PRDM11: variants seen among roughly 807,000 people sequenced by gnomAD.
PRDM11 encodes PR/SET domain 11.
A neutral mutation model predicts 97.8 loss-of-function variants in PRDM11; 20 were observed. The observed-to-expected ratio is 0.20, with a 90% CI of 0.14 to 0.30. The LOEUF (loss-of-function observed/expected upper bound fraction) is 0.30. Ranked by LOEUF, PRDM11 falls within the 10% of genes least tolerant of loss-of-function variation. The pLI, the probability that PRDM11 is intolerant of heterozygous loss-of-function variation, is 1.00. For missense variants in PRDM11, 1,139 were observed against 1,555.2 expected (o/e 0.73, Z 4.50); for synonymous variants, 599 against 637.7 (o/e 0.94, Z 0.91).
chr11:45,118,107 T>A (rs1490533840), intron 1 of PRDM11, among the ~76,000 whole-genome samples: 3 of 151,452 alleles, frequency 2.0e-5, no homozygotes, highest in Admixed American at 6.6e-5. Flanking sequence ...ACTATCAAGA[T>A]CATGAAAAAA....
Position 45,224,276 on chromosome 11 carries a change from A to G in PRDM11, c.802A>G (p.Arg268Gly), listed in dbSNP as rs764927280. 1.9e-6 allele frequency: 3 copies of G among 1,613,840 alleles called. No homozygotes were observed. The highest frequency in any genetic ancestry group is 2.5e-6 in the Non-Finnish European group (3 of 1,179,884). ...EQVLDNPEDL[R>G]GPIHLSVLRQ... is the part of the protein sequence containing the mutation. ...GGTTCTGGATAACCCAGAAGACCTGAGGGGTCCCATTCATCTCTCTGTGCT... is the reference window on the plus strand; with the variant it reads ...GGTTCTGGATAACCCAGAAGACCTGGGGGGTCCCATTCATCTCTCTGTGCT... Residue 268 changes from arginine (R) to glycine (G), a missense_variant, in exon 7 of 8, where the codon AGG becomes GGG. This residue lies in a region of PRDM11 where 429 missense variants were observed against 510.3 expected (regional missense o/e 0.84). Coordinates refer to ENST00000683152, the MANE Select transcript of PRDM11 (RefSeq NM_001384648.1).
intron 1 of PRDM11, among the ~76,000 whole-genome samples, chr11:45,114,167 T>C (rs1852252553): frequency 6.6e-6 from 1 of 152,090 alleles, no homozygotes. Context: ...GCAGACTTTA[T>C]AAATATGCTC....
At chr11:45,195,960 A>G (rs911827708) in intron 4 of PRDM11, among the ~76,000 whole-genome samples, 1 of 152,196 alleles carries the variant, frequency 6.6e-6, no homozygotes, top group Admixed American at 6.5e-5. Context: ...CCTTTTGGCT[A>G]TTATGAATAA....
chr11:45,147,049 C>G (rs1851529403), intron 1 of PRDM11, among the ~76,000 whole-genome samples, 172 bp downstream of exon 1: 1 of 140,704 alleles, frequency 7.1e-6, no homozygotes, highest in Non-Finnish European at 1.6e-5. Context: ...ACGGCGCCGG[C>G]GCGGGGTGGG....
intron 1 of PRDM11, among the ~76,000 whole-genome samples, chr11:45,120,502 A>T (rs1490671052): frequency 3.9e-5 from 6 of 152,240 alleles, no homozygotes; most frequent in African/African-American, 9.6e-5. Flanking sequence ...CCTTAAAAGA[A>T]GTAACAGTAA....
At chr11:45,138,612 T>C (rs1459667503) in intron 1 of PRDM11, among the ~76,000 whole-genome samples, 1 of 152,116 alleles carries the variant, frequency 6.6e-6, no homozygotes, top group Non-Finnish European at 1.5e-5. Context: ...CACTACAAAA[T>C]AATGAGGAAT....
intron 1 of PRDM11, among the ~76,000 whole-genome samples, chr11:45,180,398 C>T (rs1852442135): frequency 2.0e-5 from 3 of 152,080 alleles, no homozygotes; most frequent in Admixed American, 2.0e-4. Flanking sequence ...CAAGGCAGCT[C>T]GGAGGCTGGG....
intron 5 of PRDM11, chr11:45,212,909 G>A (rs1228648397): frequency 4.8e-6 from 2 of 419,210 alleles, no homozygotes; most frequent in Non-Finnish European, 9.7e-6. Context: ...GCGGGGGCCA[G>A]AAGGGGCAGA....
In PRDM11 at chr11:45,228,614, T is replaced by C. The variant is rs1350535201; in HGVS notation, c.*455T>C. ...TTTCTTTTTTCATTTGGTTTTATGA[T>C]GGGAGGGAGCTCCTCAGCCTCCTCA... On this transcript the variant is annotated 3_prime_UTR_variant, in exon 8 of 8. Transcript: ENST00000683152. 1 of 152,154 alleles carries C rather than the reference T, an allele frequency of 6.6e-6. No individual in the cohort carries two copies. The highest frequency in any genetic ancestry group is 1.9e-4 in the East Asian group (1 of 5,190). 9.4% of individuals were successfully genotyped at this position (152,154 alleles called of 1,614,324 possible).
At chr11:45,213,447 T>G (rs1394960706) in intron 5 of PRDM11, 8 of 449,514 alleles carry the variant, frequency 1.8e-5, no homozygotes, top group Admixed American at 9.5e-5. Context: ...TGATGCTGCT[T>G]CTTTTGAAGG....
intron 1 of PRDM11, among the ~76,000 whole-genome samples, chr11:45,132,054 A>G (rs986336111): frequency 7.2e-5 from 11 of 152,218 alleles, no homozygotes; most frequent in African/African-American, 2.7e-4. Flanking sequence ...CAAGGAAAAC[A>G]TTCCCTCAAA....
intron 1 of PRDM11, among the ~76,000 whole-genome samples, chr11:45,130,967 CTTTG>C (rs1452274859): frequency 6.6e-6 from 1 of 152,140 alleles, no homozygotes; most frequent in Non-Finnish European, 1.5e-5. Context: ...TTTACAGCAG[CTTTG>C]TTTAAAATAG....
chr11:45,115,950 G>GA (rs1311790093), intron 1 of PRDM11, among the ~76,000 whole-genome samples: 14 of 138,686 alleles, frequency 1.0e-4, no homozygotes, highest in South Asian at 2.3e-4. Context: ...AAGAAAAAAA[G>GA]AAAAAAAAAA....
intron 1 of PRDM11, among the ~76,000 whole-genome samples, chr11:45,164,878 C>T (rs1852022232): frequency 6.6e-6 from 1 of 152,054 alleles, no homozygotes; most frequent in African/African-American, 2.4e-5. Context: ...AAGGAAAATC[C>T]CAAAGGCCTC....
At position 45,227,685 on chromosome 11, in the gene PRDM11, G is replaced by T. The variant is rs751920593; in HGVS notation, c.3060G>T (p.Pro1020=). Residue 1020 remains proline (P), a synonymous_variant, in exon 8 of 8, where the codon CCG becomes CCT. Coordinates refer to ENST00000683152, the MANE Select transcript of PRDM11 (RefSeq NM_001384648.1). The surrounding 1 kb of genome is among the most constrained non-coding windows in gnomAD (Gnocchi z 8.0). Reference sequence around the variant, plus strand: ...TATTTGATCACCTGGAGGCCATCCCGACCTTTTCCCGGGATGTCTGTAGGG... The same window carrying T: ...TATTTGATCACCTGGAGGCCATCCCTACCTTTTCCCGGGATGTCTGTAGGG... ...VQIFDHLEAI[P]TFSRDVCREG... The T allele has an allele frequency of 2.0e-6, 3 of 1,533,812 alleles. No homozygotes were observed. The African/African-American group carries it at 4.1e-5, about 21-fold the overall frequency.
chr11:45,207,414 A>G (rs1442827054), intron 5 of PRDM11, among the ~76,000 whole-genome samples: 2 of 151,574 alleles, frequency 1.3e-5, no homozygotes, highest in Non-Finnish European at 2.9e-5. Flanking sequence ...TCAACCGAGC[A>G]CTATTTTGTG....
At chr11:45,147,518 G>C (rs1294831424) in intron 1 of PRDM11, 1 of 152,350 alleles carries the variant, frequency 6.6e-6, no homozygotes, top group Non-Finnish European at 1.5e-5. Flanking sequence ...TGTCAGTTGC[G>C]GTGTAGACTC....
At chr11:45,126,868 A>G (rs554568891) in intron 1 of PRDM11, among the ~76,000 whole-genome samples, 8 of 152,178 alleles carry the variant, frequency 5.3e-5, no homozygotes, top group African/African-American at 1.9e-4. Flanking sequence ...TATTTCCTGA[A>G]TCTGAATGTT....
chr11:45,151,884 G>A (rs1027703496), intron 1 of PRDM11, among the ~76,000 whole-genome samples: 7 of 152,124 alleles, frequency 4.6e-5, no homozygotes, highest in Non-Finnish European at 1.0e-4. Context: ...AAGTGTAAGG[G>A]GAGGAGATGG....
Sources: allele counts gnomAD v4.1 joint callset (sites outside exome capture counted in the v4.1 genomes callset), GRCh38; gene constraint gnomAD v4.1.1; regional missense constraint gnomAD v4.1.1; non-coding constraint Gnocchi (gnomAD v3.1); transcripts MANE v1.5; gene names NCBI Gene and HGNC (gene_info 2026-07-23, HGNC 2026-07-21).